WDFY4: variants seen among roughly 807,000 people sequenced by gnomAD.
The protein encoded by WDFY4 is WD repeat- and FYVE domain-containing protein 4.
WDFY4 carries 169 observed loss-of-function variants against 351.9 expected under a neutral mutation model. The ratio of observed to expected loss-of-function variants is 0.48; its 90% confidence interval spans 0.42 to 0.55. WDFY4 has a LOEUF of 0.55. Among genes scored for constraint, WDFY4 ranks in the 20% least tolerant of loss-of-function variants. WDFY4 has a pLI of 0.00. For missense variants in WDFY4, 3,803 were observed against 3,935.6 expected, an observed-to-expected ratio of 0.97 and a Z score of 0.90; for synonymous variants, 1,622 against 1,574.6, an observed-to-expected ratio of 1.03 and a Z score of -0.71.
At chr10:48,838,721 G>A (rs760492915) in intron 39 of WDFY4, among the ~76,000 whole-genome samples, 7 of 152,152 alleles carry the variant, frequency 4.6e-5, no homozygotes, top group African/African-American at 7.2e-5. Flanking sequence ...CCTATGCACT[G>A]AATAATTCTG....
chr10:48,969,509 C>T (rs541643529), intron 56 of WDFY4, among the ~76,000 whole-genome samples: 26 of 152,254 alleles, frequency 1.7e-4, no homozygotes, highest in African/African-American at 6.0e-4. Context: ...GACACATGGC[C>T]ACATTGAGCC....
At chr10:48,701,690 G>A (rs576090513) in intron 1 of WDFY4, among the ~76,000 whole-genome samples, 10 of 152,322 alleles carry the variant, frequency 6.6e-5, no homozygotes, top group South Asian at 2.1e-4. Flanking sequence ...AAGGTGGAGC[G>A]TGTGGACTTT....
rs1175167710 is a variant in WDFY4 at position 48,786,747 on chromosome 10, T to C, written c.3685T>C (p.Ser1229Pro). Residue 1229 changes from serine (S) to proline (P), a missense_variant, in exon 20 of 62, where the codon TCA becomes CCA. Physicochemically the swap from Ser to Pro is moderately conservative, Grantham distance 74. Coordinates refer to ENST00000325239, the MANE Select transcript of WDFY4 (RefSeq NM_001394531.1). ...TCCTCGAGTCTGGAAACAAAAGTCTTCATTAATCTGGCGTCTTGGCCCCAC... is the reference window on the plus strand; with the variant it reads ...TCCTCGAGTCTGGAAACAAAAGTCTCCATTAATCTGGCGTCTTGGCCCCAC... ...ATPRVWKQKS[S>P]LIWRLGPTYL... 41 of 1,552,270 alleles carry C rather than the reference T, an allele frequency of 2.6e-5. No homozygotes were observed. The highest frequency in any genetic ancestry group is 3.6e-5 in the Non-Finnish European group (41 of 1,147,146).
intron 28 of WDFY4, among the ~76,000 whole-genome samples, chr10:48,809,556 CCATCATCAA>C (rs1337360153): frequency 4.6e-4 from 67 of 144,246 alleles, no homozygotes; most frequent in African/African-American, 1.6e-3. Flanking sequence ...ATCACCACCA[CCATCATCAA>C]CATCATCAAC....
chr10:48,966,736 T>C, intron 55 of WDFY4, 63 bp downstream of exon 55: 4 of 1,516,240 alleles, frequency 2.6e-6, no homozygotes, highest in Non-Finnish European at 3.6e-6. Context: ...AGTGGCTGGG[T>C]TCCTCTGGAG....
In WDFY4 at chr10:48,716,897, G is replaced by A. The variant is rs545350544; in HGVS notation, c.235-3114G>A. On this transcript the variant is annotated intron_variant, in intron 2 of 61. Coordinates refer to ENST00000325239, the MANE Select transcript of WDFY4 (RefSeq NM_001394531.1). The stretch of plus-strand genomic sequence containing the variant: ...ATCATCTCGCCACAGAAATTCCAAG[G>A]CAAAAGGACAGACTTTTTCTCTCCA... Among the ~76,000 whole-genome samples, 363 of 152,296 alleles carry A rather than the reference G, an allele frequency of 2.4e-3. 1 individual carries two copies. The highest frequency in any genetic ancestry group is 8.4e-3 in the African/African-American group (348 of 41,572).
intron 43 of WDFY4, among the ~76,000 whole-genome samples, chr10:48,883,148 G>C (rs2070320841): frequency 6.6e-6 from 1 of 152,202 alleles, no homozygotes; most frequent in African/African-American, 2.4e-5. Flanking sequence ...GTTAAAGCTG[G>C]TGCAAGGAGG....
chr10:48,796,653 C>T (rs2066886298), intron 24 of WDFY4, among the ~76,000 whole-genome samples: 1 of 152,202 alleles, frequency 6.6e-6, no homozygotes, highest in Non-Finnish European at 1.5e-5. Context: ...GGACAAATCT[C>T]TTGACCTCTC....
At chr10:48,912,901 G>C (rs1228956581) in intron 47 of WDFY4, among the ~76,000 whole-genome samples, 1 of 152,226 alleles carries the variant, frequency 6.6e-6, no homozygotes, top group African/African-American at 2.4e-5. Flanking sequence ...CTGTGGTCCA[G>C]CTCTGTCCCC....
chr10:48,731,882 C>T (rs2064472330), intron 9 of WDFY4, among the ~76,000 whole-genome samples: 2 of 152,292 alleles, frequency 1.3e-5, no homozygotes, highest in South Asian at 4.1e-4. Flanking sequence ...GGAATGGGAG[C>T]TCAGAGAGGC....
chr10:48,745,724 GC>G, intron 12 of WDFY4: 1 of 556,368 alleles, frequency 1.8e-6, no homozygotes, highest in Non-Finnish European at 3.4e-6. Context: ...TGAGCCAGGC[GC>G]CCCACGTAGG....
chr10:48,887,203 T>TG (rs1589814892), intron 43 of WDFY4, among the ~76,000 whole-genome samples: 1 of 152,146 alleles, frequency 6.6e-6, no homozygotes, highest in Non-Finnish European at 1.5e-5. Flanking sequence ...GAGGCTGTGG[T>TG]GGGGGCCTGG....
At chr10:48,743,634 G>C in intron 12 of WDFY4, 86 bp downstream of exon 12, 1 of 1,407,124 alleles carries the variant, frequency 7.1e-7, no homozygotes, top group East Asian at 2.5e-5. Flanking sequence ...TCAGTAGGAA[G>C]GCTCAGCTAC....
At chr10:48,900,378 GC>G (rs1211824377) in intron 46 of WDFY4, 72 bp downstream of exon 46, 1 of 1,385,452 alleles carries the variant, frequency 7.2e-7, no homozygotes, top group Non-Finnish European at 9.9e-7. Context: ...AGAACACTCA[GC>G]TCTGTGCTCA....
chr10:48,721,484 A>G (rs929127527), intron 4 of WDFY4, 117 bp downstream of exon 4: 6 of 913,162 alleles, frequency 6.6e-6, no homozygotes, highest in African/African-American at 5.0e-5. Flanking sequence ...AAACAGGTTT[A>G]TTATTTCTCC....
chr10:48,732,087 C>T (rs2064481963), intron 9 of WDFY4, among the ~76,000 whole-genome samples: 1 of 152,156 alleles, frequency 6.6e-6, no homozygotes, highest in Admixed American at 6.5e-5. Context: ...TTCCCTTGCC[C>T]CTACTTGGCC....
chr10:48,930,450 GC>G (rs1288461747), intron 47 of WDFY4, among the ~76,000 whole-genome samples: 1 of 152,198 alleles, frequency 6.6e-6, no homozygotes, highest in African/African-American at 2.4e-5. Context: ...GCACTATGGG[GC>G]TGGAGAGTGA....
At chr10:48,820,509 A>G in intron 33 of WDFY4, 72 bp downstream of exon 33, 1 of 1,493,850 alleles carries the variant, frequency 6.7e-7, no homozygotes, top group East Asian at 2.5e-5. Context: ...CAAGGGCAGG[A>G]TGCACCCAGG....
At chr10:48,931,968 C>T (rs1312230175) in intron 47 of WDFY4, among the ~76,000 whole-genome samples, 1 of 152,210 alleles carries the variant, frequency 6.6e-6, no homozygotes, top group Admixed American at 6.5e-5. Context: ...TGTCCCTTTC[C>T]TGCTGTGCCT....
Sources: gnomAD v4.1 joint callset for allele counts (sites outside exome capture counted in the v4.1 genomes callset) on GRCh38, gnomAD v4.1.1 for gene constraint, MANE v1.5 for transcripts, NCBI Gene and HGNC (gene_info 2026-07-23, HGNC 2026-07-21) for gene names.